The following ATP9B variants were observed in gnomAD, a reference collection of about 807,000 sequenced individuals.
ATP9B encodes the protein probable phospholipid-transporting ATPase IIB.
In ATP9B, 110 loss-of-function variants were observed where a neutral mutation model predicts 146.1. That is an observed-to-expected ratio of 0.75 (90% confidence interval 0.65 to 0.88). The LOEUF is 0.88. Ranked by LOEUF, ATP9B falls within the 40% of genes least tolerant of loss-of-function variation. The pLI is 0.00. For missense variants in ATP9B, 1,499 were observed against 1,496.4 expected, an observed-to-expected ratio of 1.00 and a Z score of -0.03; for synonymous variants, 604 against 569.7, an observed-to-expected ratio of 1.06 and a Z score of -0.86.
chr18:79,263,352 G>A (rs966492616), intron 12 of ATP9B, among the ~76,000 whole-genome samples: 5 of 152,186 alleles, frequency 3.3e-5, no homozygotes, highest in African/African-American at 4.8e-5. Flanking sequence ...CCATGTCTGC[G>A]GGGTTCGCCT....
At chr18:79,107,552 T>C (rs765086680) in intron 2 of ATP9B, among the ~76,000 whole-genome samples, 9 of 152,078 alleles carry the variant, frequency 5.9e-5, no homozygotes, top group Non-Finnish European at 1.0e-4. Flanking sequence ...GCCTTCGTAG[T>C]GTGTAGACTC....
chr18:79,284,037 A>T (rs2096407722), intron 13 of ATP9B, among the ~76,000 whole-genome samples: 1 of 152,184 alleles, frequency 6.6e-6, no homozygotes, highest in Admixed American at 6.5e-5. Context: ...CATTTTAATT[A>T]TAGCATCCAT....
intron 5 of ATP9B, among the ~76,000 whole-genome samples, chr18:79,127,431 C>T (rs2094305678): frequency 6.6e-6 from 1 of 152,148 alleles, no homozygotes; most frequent in Admixed American, 6.5e-5. Context: ...GTTTTGCCCA[C>T]TCTGCACATT....
chr18:79,284,066 G>T (rs2096408151), intron 13 of ATP9B, among the ~76,000 whole-genome samples: 1 of 152,078 alleles, frequency 6.6e-6, no homozygotes, highest in African/African-American at 2.4e-5. Flanking sequence ...ATGCCATGTT[G>T]TTCAGAATTG....
chr18:79,109,715 G>GC, intron 2 of ATP9B, among the ~76,000 whole-genome samples: 1 of 152,112 alleles, frequency 6.6e-6, no homozygotes, highest in South Asian at 2.1e-4. Context: ...ACAGGTGCCT[G>GC]CCACCATGGC....
At chr18:79,359,641 A>C (rs1441017466) in intron 26 of ATP9B, 179 bp downstream of exon 26, 1 of 591,052 alleles carries the variant, frequency 1.7e-6, no homozygotes, top group African/African-American at 1.9e-5. Flanking sequence ...TTTGAGTTAA[A>C]CTTCAAAAGG....
At chr18:79,243,622 C>T (rs2095911141) in intron 11 of ATP9B, among the ~76,000 whole-genome samples, 1 of 152,186 alleles carries the variant, frequency 6.6e-6, no homozygotes, top group African/African-American at 2.4e-5. Flanking sequence ...TTCTGATACA[C>T]CTGTATGTAG....
Position 79,209,804 on chromosome 18 carries a change from T to A in ATP9B, c.1030+2792T>A, listed in dbSNP as rs901277410. ...CTCTTTTAGTACATACATATCTTTATTTAAAAGCCTTGTTAATGTGAACAG... is the reference window on the plus strand; with the variant it reads ...CTCTTTTAGTACATACATATCTTTAATTAAAAGCCTTGTTAATGTGAACAG... On this transcript the variant is annotated intron_variant, in intron 10 of 29. Coordinates refer to ENST00000426216, the MANE Select transcript of ATP9B (RefSeq NM_198531.5). The A allele has an allele frequency of 1.2e-4, 49 of 406,652 alleles. 1 individual carries two copies. The highest frequency in any genetic ancestry group is 9.8e-4 in the African/African-American group (45 of 46,072). The allele number at this position is 406,652 out of a possible 1,614,324, so 25.2% of individuals were successfully genotyped here. A position where few individuals can be genotyped will look rare whatever the true frequency, so the allele number is the denominator to read the frequency against.
At chr18:79,224,271 G>A (rs1264986498) in intron 11 of ATP9B, among the ~76,000 whole-genome samples, 3 of 152,170 alleles carry the variant, frequency 2.0e-5, no homozygotes, top group Non-Finnish European at 4.4e-5. Flanking sequence ...TTGTGATAAT[G>A]ATTGACTTAT....
At chr18:79,111,101 T>C (rs1252395738) in intron 3 of ATP9B, among the ~76,000 whole-genome samples, 1 of 152,210 alleles carries the variant, frequency 6.6e-6, no homozygotes, top group East Asian at 1.9e-4. Flanking sequence ...TTTATTACTT[T>C]TGTTGCTAGT....
At chr18:79,279,456 T>C (rs2096352730) in intron 13 of ATP9B, among the ~76,000 whole-genome samples, 2 of 152,120 alleles carry the variant, frequency 1.3e-5, no homozygotes, top group African/African-American at 4.8e-5. Context: ...AGTAGCAAAA[T>C]ATGAACAACC....
intron 11 of ATP9B, among the ~76,000 whole-genome samples, chr18:79,222,252 A>G (rs564168599): frequency 6.6e-6 from 1 of 152,168 alleles, no homozygotes; most frequent in South Asian, 2.1e-4. Flanking sequence ...CCAGTTACTC[A>G]GGAGGCTGAG....
chr18:79,299,160 A>G (rs1052434123), intron 13 of ATP9B, among the ~76,000 whole-genome samples: 29 of 150,336 alleles, frequency 1.9e-4, no homozygotes, highest in Non-Finnish European at 3.0e-5. Context: ...ATAATGCCTC[A>G]GTTAACTCTG....
intron 1 of ATP9B, among the ~76,000 whole-genome samples, chr18:79,090,472 TG>T (rs914166266): frequency 6.6e-6 from 1 of 152,190 alleles, no homozygotes; most frequent in African/African-American, 2.4e-5. Context: ...CATTTTAACT[TG>T]GGTGAGATGA....
chr18:79,164,316 C>G (rs1344656296), intron 7 of ATP9B, among the ~76,000 whole-genome samples: 2 of 152,090 alleles, frequency 1.3e-5, no homozygotes, highest in Non-Finnish European at 2.9e-5. Context: ...TTTCATGGCT[C>G]TTGATCTTTT....
intron 11 of ATP9B, among the ~76,000 whole-genome samples, chr18:79,235,072 C>T (rs1271296840): frequency 6.6e-6 from 1 of 152,016 alleles, no homozygotes; most frequent in Admixed American, 6.6e-5. Flanking sequence ...GGGGTTTCAC[C>T]ATATTGGTCG....
At chr18:79,288,919 C>A (rs1300795849) in intron 13 of ATP9B, among the ~76,000 whole-genome samples, 2 of 152,182 alleles carry the variant, frequency 1.3e-5, no homozygotes, top group African/African-American at 4.8e-5. Flanking sequence ...AAATTCTTTT[C>A]TTTAAGCATG....
chr18:79,323,742 C>T (rs1039750662), intron 15 of ATP9B, among the ~76,000 whole-genome samples: 16 of 152,232 alleles, frequency 1.1e-4, no homozygotes, highest in African/African-American at 3.9e-4. Context: ...AACGTGGCCA[C>T]TGTGAACAGT....
At chr18:79,258,465 A>T (rs777036239) in intron 12 of ATP9B, among the ~76,000 whole-genome samples, 1 of 152,170 alleles carries the variant, frequency 6.6e-6, no homozygotes, top group Non-Finnish European at 1.5e-5. Flanking sequence ...GAAGAAGATA[A>T]GTATTATCTG....
Sources: allele counts gnomAD v4.1 joint callset (sites outside exome capture counted in the v4.1 genomes callset), GRCh38; gene constraint gnomAD v4.1.1; transcripts MANE v1.5; gene names NCBI Gene and HGNC (gene_info 2026-07-23, HGNC 2026-07-21).